Variants in PAX7 observed in about 807,000 individuals in gnomAD.
PAX7 encodes the protein paired box 7.
Under a neutral mutation model 50.7 loss-of-function variants are expected in PAX7, and 18 were observed. The observed-to-expected ratio is 0.36, with a 90% CI of 0.25 to 0.53. The LOEUF is 0.53. PAX7 is among the 20% of genes least tolerant of loss of function. The pLI is 0.93. For synonymous variants in PAX7, 310 were observed against 290.4 expected (o/e 1.07, Z -0.69); for missense variants, 644 against 702.9 (o/e 0.92, Z 0.95).
chr1:18,705,556 C>G (rs931806181), intron 7 of PAX7, among the ~76,000 whole-genome samples: 11 of 152,202 alleles, frequency 7.2e-5, no homozygotes, highest in African/African-American at 2.4e-4. Flanking sequence ...CGCCCTGTCT[C>G]ACTGTGGGCT....
chr1:18,637,857 G>A (rs1263727965), intron 4 of PAX7, among the ~76,000 whole-genome samples: 1 of 152,244 alleles, frequency 6.6e-6, no homozygotes, highest in Non-Finnish European at 1.5e-5. Flanking sequence ...AGCCAGCTGT[G>A]CCGGGCGCCC....
chr1:18,697,958 G>T (rs2089169795), intron 5 of PAX7, among the ~76,000 whole-genome samples: 1 of 152,070 alleles, frequency 6.6e-6, no homozygotes, highest in South Asian at 2.1e-4. Flanking sequence ...AGTTTGAGAG[G>T]AGAAGGTGGG....
At chr1:18,729,873 G>C (rs2089624509) in intron 7 of PAX7, among the ~76,000 whole-genome samples, 1 of 152,168 alleles carries the variant, frequency 6.6e-6, no homozygotes. Context: ...ACAGTTCTAA[G>C]GGGGCAGAGC....
At chr1:18,731,060 G>A (rs549797908) in intron 7 of PAX7, among the ~76,000 whole-genome samples, 8 of 152,258 alleles carry the variant, frequency 5.3e-5, no homozygotes, top group African/African-American at 1.7e-4. Context: ...AGTTAGTAAC[G>A]GTAACCTACC....
At chr1:18,682,813 C>T (rs903553271) in intron 4 of PAX7, among the ~76,000 whole-genome samples, 6 of 152,104 alleles carry the variant, frequency 3.9e-5, no homozygotes, top group Non-Finnish European at 7.4e-5. Flanking sequence ...GCTGTGGGGG[C>T]GGGGTAGGCA....
In PAX7 at chr1:18,636,505, G is replaced by C. The variant is rs536599549; in HGVS notation, c.586+134G>C. On this transcript the variant is annotated intron_variant, in intron 4 of 8. Transcript: ENST00000420770. The surrounding 1 kb of genome is among the most constrained non-coding windows in gnomAD (Gnocchi z 5.1). ...GGAGAAACTCTCATGCTGCGGGGCA[G>C]CTGGGAGCCGCTCAGGCTTTGCCGA... is the stretch of plus-strand genomic sequence containing the variant. 1.7e-6 allele frequency: 2 copies of C among 1,154,418 alleles called. No individual in the cohort carries two copies. Among genetic ancestry groups the C allele is most frequent in the East Asian group, 4.9e-5 (2 of 41,222 alleles). The allele number at this position is 1,154,418 out of a possible 1,614,324, so 71.5% of individuals were successfully genotyped here.
chr1:18,697,682 C>A (rs1163840105), intron 5 of PAX7, among the ~76,000 whole-genome samples: 1 of 152,082 alleles, frequency 6.6e-6, no homozygotes, highest in Non-Finnish European at 1.5e-5. Context: ...GGACATAGGA[C>A]AATGAAGGAA....
At chr1:18,727,053 C>T (rs72650351) in intron 7 of PAX7, among the ~76,000 whole-genome samples, 5,395 of 152,170 alleles carry the variant, frequency 0.035, 135 homozygotes, top group East Asian at 0.098. Context: ...GTAGTAGATA[C>T]TGCATGCACA....
intron 4 of PAX7, among the ~76,000 whole-genome samples, chr1:18,640,908 C>G (rs2088242473): frequency 6.6e-6 from 1 of 151,330 alleles, no homozygotes. Flanking sequence ...GCGGAGGGGG[C>G]TCCCGGCGGA....
intron 3 of PAX7, among the ~76,000 whole-genome samples, chr1:18,635,490 G>A (rs2088136515): frequency 6.6e-6 from 1 of 151,096 alleles, no homozygotes; most frequent in Non-Finnish European, 1.5e-5. Context: ...AAGAAAGGGA[G>A]GAAGAAGGAA....
rs1040459954 is a variant in PAX7, at chr1:18,745,323, C to CT, written c.*395dup. On this transcript the variant is annotated 3_prime_UTR_variant, in exon 9 of 9. Transcript: ENST00000420770. The stretch of plus-strand genomic sequence containing the variant: ...TTTGGACCCAACTCCAGTGGGGGCC[C>CT]TAGCTAGAAGTGGAGGTGAAGCTTT... The CT allele has an allele frequency of 1.5e-5, 4 of 273,178 alleles. No homozygotes were observed. The highest frequency in any genetic ancestry group is 2.8e-5 in the Non-Finnish European group (4 of 142,022). The allele number at this position is 273,178 out of a possible 1,614,324, so 16.9% of individuals were successfully genotyped here.
chr1:18,693,636 C>A (rs2089108687), intron 5 of PAX7, among the ~76,000 whole-genome samples: 3 of 152,176 alleles, frequency 2.0e-5, no homozygotes, highest in Non-Finnish European at 1.5e-5. Context: ...TTGAGGGAGA[C>A]CCCAAGGGGA....
chr1:18,646,076 C>T (rs1205560927), intron 4 of PAX7, among the ~76,000 whole-genome samples: 2 of 152,202 alleles, frequency 1.3e-5, no homozygotes, highest in African/African-American at 4.8e-5. Flanking sequence ...CATTCTCCTC[C>T]CTCCCGCTGC....
chr1:18,693,526 G>A (rs1429970471), intron 5 of PAX7, among the ~76,000 whole-genome samples: 1 of 152,160 alleles, frequency 6.6e-6, no homozygotes, highest in Non-Finnish European at 1.5e-5. Flanking sequence ...AAAGCAACTG[G>A]GACAATCCTA....
chr1:18,668,508 C>T (rs1347742669), intron 4 of PAX7, among the ~76,000 whole-genome samples: 3 of 152,014 alleles, frequency 2.0e-5, no homozygotes, highest in Admixed American at 1.3e-4. Context: ...AGAGACAATC[C>T]CTAGCAACAT....
At chr1:18,637,743 G>A (rs1233038935) in intron 4 of PAX7, among the ~76,000 whole-genome samples, 2 of 152,270 alleles carry the variant, frequency 1.3e-5, no homozygotes, top group African/African-American at 4.8e-5. Context: ...GGGCAGCCCC[G>A]TGTGACAGCG....
intron 7 of PAX7, among the ~76,000 whole-genome samples, chr1:18,725,700 C>T (rs921629893): frequency 6.6e-6 from 1 of 152,220 alleles, no homozygotes; most frequent in African/African-American, 2.4e-5. Context: ...GGCCCCTTCC[C>T]CCCGAGCCTC....
rs2088068660 is a variant in PAX7 at position 18,632,361 on chromosome 1, G to A, written c.85+673G>A. On this transcript the variant is annotated intron_variant, in intron 1 of 8. Transcript: ENST00000420770. This position sits in a 1 kb window ranked among gnomAD's most constrained non-coding sequence, Gnocchi z 6.3. ...TAGAGAACCTCTAAACGGCGAGAGG[G>A]GCACGGCAATGTCCAAACGAGAAGA... 6.6e-6 allele frequency among the ~76,000 whole-genome samples: 1 copy of A among 152,068 alleles called. No individual in the cohort carries two copies. The highest frequency in any genetic ancestry group is 1.5e-5 in the Non-Finnish European group (1 of 68,006).
chr1:18,720,712 G>T (rs996136330), intron 7 of PAX7, among the ~76,000 whole-genome samples: 1 of 151,564 alleles, frequency 6.6e-6, no homozygotes, highest in Non-Finnish European at 1.5e-5. Context: ...GGTGGAGACT[G>T]GGGGGAGAGA....
Sources: gnomAD v4.1 joint callset for allele counts (sites outside exome capture counted in the v4.1 genomes callset) on GRCh38, gnomAD v4.1.1 for gene constraint, Gnocchi (gnomAD v3.1) non-coding constraint, MANE v1.5 for transcripts, NCBI Gene and HGNC (gene_info 2026-07-23, HGNC 2026-07-21) for gene names.